MPDZ: variants seen among roughly 807,000 people sequenced by gnomAD.
MPDZ encodes the protein multiple PDZ domain protein.
MPDZ carries 234 observed loss-of-function variants against 239.1 expected under a neutral mutation model. The ratio of observed to expected loss-of-function variants is 0.98; its 90% CI spans 0.88 to 1.09. The LOEUF (loss-of-function observed/expected upper bound fraction) is 1.09, where lower values mean the gene tolerates loss of function less well. MPDZ is among the 50% of genes least tolerant of loss of function. The pLI is 0.00. For synonymous variants in MPDZ, 1,048 were observed against 881.3 expected (o/e 1.19, Z -3.35); for missense variants, 3,175 against 2,510.0 (o/e 1.26, Z -5.66).
chr9:13,261,216 G>A (rs541195955), intron 1 of MPDZ, among the ~76,000 whole-genome samples: 2 of 152,310 alleles, frequency 1.3e-5, no homozygotes, highest in African/African-American at 4.8e-5. Flanking sequence ...CAAGTCAGTT[G>A]ATAGAGACAG....
At chr9:13,183,394 G>T (rs1241831081) in intron 19 of MPDZ, 24 bp downstream of exon 19, 4 of 1,572,262 alleles carry the variant, frequency 2.5e-6, no homozygotes, top group Admixed American at 2.0e-5. Flanking sequence ...TCCTATAAAA[G>T]AAAAATTGGC....
intron 3 of MPDZ, among the ~76,000 whole-genome samples, chr9:13,240,016 T>G (rs1964995650): frequency 2.6e-5 from 4 of 152,240 alleles, no homozygotes; most frequent in South Asian, 2.1e-4. Context: ...TGCTGAAATT[T>G]TCTACATCAT....
intron 19 of MPDZ, among the ~76,000 whole-genome samples, chr9:13,178,875 A>G (rs1952879215): frequency 6.6e-6 from 1 of 152,170 alleles, no homozygotes; most frequent in East Asian, 1.9e-4. Flanking sequence ...CGTTTTATAT[A>G]TTACTTAATA....
At position 13,165,347 on chromosome 9, in the gene MPDZ, T is replaced by G. The variant is rs370360260; in HGVS notation, c.3255-2552A>C. ...TTGTAACACACAGCCATAATGAGCTTTCGAATCACTGATACTCACACATAA... is the reference window on the plus strand; with the variant it reads ...TTGTAACACACAGCCATAATGAGCTGTCGAATCACTGATACTCACACATAA... On this transcript the variant is annotated intron_variant, in intron 22 of 46. Coordinates refer to ENST00000319217, the MANE Select transcript of MPDZ (RefSeq NM_001378778.1). 257 of 1,548,234 alleles carry G rather than the reference T, an allele frequency of 1.7e-4. No individual in the cohort carries two copies. The African/African-American group carries it at 3.2e-3, about 20-fold the overall frequency.
intron 12 of MPDZ, 52 bp downstream of exon 12, chr9:13,204,984 T>C: frequency 8.3e-7 from 1 of 1,203,344 alleles, no homozygotes. Context: ...AAAAATCATT[T>C]CTAAAAAAGA....
In MPDZ at chr9:13,214,843, G is replaced by C. The variant is rs574871417; in HGVS notation, c.1290+1931C>G. On this transcript the variant is annotated intron_variant, in intron 10 of 46. Coordinates refer to ENST00000319217, the MANE Select transcript of MPDZ (RefSeq NM_001378778.1). ...CCAGATGAGGTGGCAAGCACAACTT[G>C]ATCTTTAGTGTAGATCTGAAGAGGT... Among the ~76,000 whole-genome samples the C allele has an allele frequency of 5.9e-5, 9 of 151,978 alleles. No homozygotes were observed. The South Asian group carries it at 1.9e-3, about 32-fold the overall frequency.
intron 1 of MPDZ, among the ~76,000 whole-genome samples, chr9:13,257,608 T>C (rs911896698): frequency 1.3e-5 from 2 of 152,198 alleles, no homozygotes; most frequent in African/African-American, 2.4e-5. Flanking sequence ...GGTGTATGTT[T>C]ATAGAAGCAT....
chr9:13,126,743 G>A lies in MPDZ; in HGVS notation c.4494C>T (p.Ser1498=), dbSNP rs756928021. Residue 1498 remains serine, a synonymous_variant, in exon 33 of 47, where the codon AGC becomes AGT. Transcript: ENST00000319217. The part of the protein sequence containing the change: ...KDQGGLGIAI[S]EEDTLSGVII... The stretch of plus-strand genomic sequence containing the variant: ...TGACTCCACTGAGTGTATCTTCTTC[G>A]CTGATAGCAATACCCAAACCCCCCT... 5.6e-6 allele frequency: 9 copies of A among 1,613,640 alleles called. No individual in the cohort carries two copies. The highest frequency in any genetic ancestry group is 3.3e-5 in the Admixed American group (2 of 59,978).
intron 10 of MPDZ, among the ~76,000 whole-genome samples, chr9:13,208,743 T>G (rs188394845): frequency 1.3e-5 from 2 of 151,462 alleles, no homozygotes; most frequent in Admixed American, 6.6e-5. Flanking sequence ...TGAGTAGTTA[T>G]TTTTACTAGA....
At chr9:13,191,077 T>A (rs1172872009) in intron 15 of MPDZ, among the ~76,000 whole-genome samples, 1 of 152,152 alleles carries the variant, frequency 6.6e-6, no homozygotes, top group East Asian at 1.9e-4. Flanking sequence ...TATCTTTGCT[T>A]CTAATCAATT....
At chr9:13,259,088 A>T (rs535847998) in intron 1 of MPDZ, among the ~76,000 whole-genome samples, 9 of 152,230 alleles carry the variant, frequency 5.9e-5, no homozygotes, top group African/African-American at 1.9e-4. Context: ...TATTTTATCT[A>T]ACAATCCTAC....
rs16930134 is a variant in MPDZ at position 13,123,296 on chromosome 9, T to C, written c.4810A>G (p.Thr1604Ala). 4,477 of 1,601,152 alleles carry C rather than the reference T, an allele frequency of 2.8e-3. 111 individuals are homozygous for C. In the African/African-American group the frequency reaches 0.053, roughly 19 times the overall value. ...ATTGCTGGTGTTGATGATCTGCTTG[T>C]ATCTAAAAATAAGTTAAAAATGAAA... is the stretch of plus-strand genomic sequence containing the variant. Reference protein sequence around the residue: ...GSPEPESIRNTSRSSTPAIFA... With the variant: ...GSPEPESIRNASRSSTPAIFA... The change falls in exon 36 of 47, where the codon ACA becomes GCA. Residue 1604 changes from threonine (T) to alanine (A), a missense_variant and splice_region_variant. By Grantham distance (58) the Thr-to-Ala change is moderately conservative. Transcript: ENST00000319217.
intron 1 of MPDZ, among the ~76,000 whole-genome samples, chr9:13,259,193 C>T (rs770346691): frequency 6.6e-6 from 1 of 152,246 alleles, no homozygotes. Flanking sequence ...GCTGCCTAAT[C>T]CAGCCTCCGC....
intron 10 of MPDZ, among the ~76,000 whole-genome samples, chr9:13,214,859 C>T (rs1180075591): frequency 6.6e-6 from 1 of 151,794 alleles, no homozygotes; most frequent in Admixed American, 6.6e-5. Context: ...TAGTGTAGAT[C>T]TGAAGAGGTG....
At position 13,176,303 on chromosome 9, in the gene MPDZ, T is replaced by A. The variant is rs771592707; in HGVS notation, c.2764A>T (p.Ser922Cys). The change falls in exon 20 of 47, where the codon AGT becomes TGT. Residue 922 changes from serine (S) to cysteine (C), a missense_variant. Transcript: ENST00000319217. ...QDENTPSVDI[S>C]MGPASGFTIN... ...GTAAAGCCAGAAGCAGGCCCCATAC[T>A]TATGTCCACCGAAGGTGTATTCTCA... 1.2e-6 allele frequency: 2 copies of A among 1,610,210 alleles called. No individual in the cohort carries two copies. Among genetic ancestry groups the A allele is most frequent in the Admixed American group, 1.7e-5 (1 of 59,614 alleles).
intron 17 of MPDZ, among the ~76,000 whole-genome samples, chr9:13,187,737 T>C (rs1431725461): frequency 2.0e-5 from 3 of 152,256 alleles, no homozygotes; most frequent in Non-Finnish European, 4.4e-5. Flanking sequence ...TACGAAATTA[T>C]ATTTATGTGT....
At chr9:13,231,975 C>T (rs1219571869) in intron 3 of MPDZ, among the ~76,000 whole-genome samples, 2 of 151,668 alleles carry the variant, frequency 1.3e-5, no homozygotes, top group Non-Finnish European at 2.9e-5. Flanking sequence ...GAACAGAATA[C>T]AGGAGAAAAA....
intron 12 of MPDZ, among the ~76,000 whole-genome samples, chr9:13,196,668 TA>T (rs769730873): frequency 6.6e-6 from 1 of 151,998 alleles, no homozygotes. Context: ...AATCAACAAA[TA>T]ATATATGTAA....
chr9:13,131,758 C>A (rs991566307), intron 32 of MPDZ, among the ~76,000 whole-genome samples: 1 of 152,136 alleles, frequency 6.6e-6, no homozygotes, highest in Non-Finnish European at 1.5e-5. Flanking sequence ...GGCTTCTGTA[C>A]GTTAAGTCCC....
Sources: allele counts gnomAD v4.1 joint callset (sites outside exome capture counted in the v4.1 genomes callset), GRCh38; gene constraint gnomAD v4.1.1; transcripts MANE v1.5; gene names NCBI Gene and HGNC (gene_info 2026-07-23, HGNC 2026-07-21).